The following TRIM10 variants were observed in gnomAD, a reference collection of about 807,000 sequenced individuals.
TRIM10 encodes tripartite motif-containing protein 10.
TRIM10 carries 42 observed loss-of-function variants against 40.0 expected under a neutral mutation model. The observed-to-expected ratio is 1.05, with a 90% CI of 0.82 to 1.36. The LOEUF (loss-of-function observed/expected upper bound fraction) is 1.36. Ranked by LOEUF, TRIM10 falls within the 40% of genes most tolerant of loss-of-function variation. The pLI, the probability that TRIM10 is intolerant of heterozygous loss-of-function variation, is 0.00. For missense variants in TRIM10, 601 were observed against 608.3 expected (o/e 0.99, Z 0.13); for synonymous variants, 260 against 239.5 (o/e 1.09, Z -0.79).
rs79088264 is a variant in TRIM10 at position 30,154,154 on chromosome 6, G to T, written c.1261C>A (p.Arg421=). Residue 421 remains arginine (R), a synonymous_variant, in exon 7 of 7, where the codon CGG becomes AGG. Transcript: ENST00000449742. ...FVSALGSFPT[R]LTLKEQPRQV... Reference sequence around the variant, plus strand: ...CGGGGCTGCTCCTTCAGGGTCAGCCGTGTGGGGAAGGAGCCCAGAGCCGAG... The same window carrying T: ...CGGGGCTGCTCCTTCAGGGTCAGCCTTGTGGGGAAGGAGCCCAGAGCCGAG... 5 of 1,612,522 alleles carry T rather than the reference G, an allele frequency of 3.1e-6. No individual in the cohort carries two copies. In the East Asian group the frequency reaches 8.9e-5, roughly 29 times the overall value.
Position 30,153,577 on chromosome 6 carries a change from T to C in TRIM10, c.*392A>G, listed in dbSNP as rs1772215104. The C allele has an allele frequency of 2.1e-6, 2 of 931,052 alleles. No homozygotes were observed. Among genetic ancestry groups the C allele is most frequent in the Non-Finnish European group, 3.3e-6 (2 of 597,388 alleles). 57.7% of individuals were successfully genotyped at this position (931,052 alleles called of 1,614,324 possible). A position where few individuals can be genotyped will look rare whatever the true frequency, so the allele number is the denominator to read the frequency against. ...TGTGATTACATGAACTCTAACATTA[T>C]TGGAAGAAAACAAGATGAAAAGAGG... On this transcript the variant is annotated 3_prime_UTR_variant, in exon 7 of 7. Coordinates refer to ENST00000449742, the MANE Select transcript of TRIM10 (RefSeq NM_006778.4).
intron 1 of TRIM10, 136 bp downstream of exon 1, chr6:30,160,294 T>A: frequency 1.1e-6 from 1 of 919,404 alleles, no homozygotes; most frequent in Non-Finnish European, 1.6e-6. Context: ...TTTCCATGCC[T>A]GGGTCTATTG....
intron 1 of TRIM10, 40 bp from the exon 2 acceptor site, chr6:30,159,285 A>G: frequency 6.9e-7 from 1 of 1,457,160 alleles, no homozygotes; most frequent in Non-Finnish European, 9.6e-7. Context: ...ATGGAAAATG[A>G]TTTGTTCAGG....
In TRIM10 at chr6:30,152,783, A is replaced by G. The variant is rs1208966574; in HGVS notation, c.*1186T>C. The G allele has an allele frequency of 1.3e-5, 2 of 152,148 alleles. No homozygotes were observed. Among genetic ancestry groups the G allele is most frequent in the African/African-American group, 4.8e-5 (2 of 41,424 alleles). 9.4% of individuals were successfully genotyped at this position (152,148 alleles called of 1,614,324 possible). On this transcript the variant is annotated 3_prime_UTR_variant, in exon 7 of 7. Coordinates refer to ENST00000449742, the MANE Select transcript of TRIM10 (RefSeq NM_006778.4). ...AAGAACAAGAAAATAAAACATGGTC[A>G]CTCTTCCATCCCATTTCTCAGATGT...
At position 30,154,225 on chromosome 6, in the gene TRIM10, C is replaced by G. The variant is rs368379352; in HGVS notation, c.1190G>C (p.Arg397Pro). 1 of 1,612,736 alleles carries G rather than the reference C, an allele frequency of 6.2e-7. No homozygotes were observed. Among genetic ancestry groups the G allele is most frequent in the African/African-American group, 1.3e-5 (1 of 74,906 alleles). ...CACAGCCCACACCCCCTCCTCTGGC[C>G]GCAGCCGAAGCTCCCCCTTCCGCTG... ...DVQRKGELRLRPEEGVWAVRL... is the reference protein window; with the variant it reads ...DVQRKGELRLPPEEGVWAVRL... The change falls in exon 7 of 7, where the codon CGG becomes CCG. Residue 397 changes from arginine (R) to proline (P), a missense_variant. Transcript: ENST00000449742.
intron 1 of TRIM10, 130 bp from the exon 2 acceptor site, chr6:30,159,375 C>T (rs568564651): frequency 1.7e-5 from 11 of 639,262 alleles, no homozygotes; most frequent in Admixed American, 2.6e-5. Context: ...TGACAATCCC[C>T]GAGCCTTCAC....
At chr6:30,159,277 G>T in intron 1 of TRIM10, 32 bp from the exon 2 acceptor site, 1 of 1,480,066 alleles carries the variant, frequency 6.8e-7, no homozygotes, top group Non-Finnish European at 9.4e-7. Context: ...TACTCAAGAT[G>T]GAAAATGATT....
Position 30,153,494 on chromosome 6 carries a change from C to T in TRIM10, c.*475G>A. 1 of 576,890 alleles carries T rather than the reference C, an allele frequency of 1.7e-6. No homozygotes were observed. The highest frequency in any genetic ancestry group is 3.1e-6 in the Non-Finnish European group (1 of 325,590). 35.7% of individuals were successfully genotyped at this position (576,890 alleles called of 1,614,324 possible). ...TTTTTTTCTCTATATTTTCAAGTCA[C>T]CAGTGGCCACCACACTGCTTGGTTC... is the stretch of plus-strand genomic sequence containing the variant. On this transcript the variant is annotated 3_prime_UTR_variant, in exon 7 of 7. Transcript: ENST00000449742.
rs142460927 is a variant in TRIM10, at chr6:30,160,326, G to C, written c.429+104C>G. ...ATTGCCTGGGTGATCATGTAAGTAA[G>C]GAGAAAGAATTTGGCCTCCGGGTGG... On this transcript the variant is annotated intron_variant, in intron 1 of 6. Transcript: ENST00000449742. The C allele has an allele frequency of 2.7e-3, 3,430 of 1,263,632 alleles. 1 individual carries two copies. Among genetic ancestry groups the C allele is most frequent in the Non-Finnish European group, 3.1e-3 (2,890 of 919,766 alleles). 78.3% of individuals were successfully genotyped at this position (1,263,632 alleles called of 1,614,324 possible). A position where few individuals can be genotyped will look rare whatever the true frequency, so the allele number is the denominator to read the frequency against.
In TRIM10 at chr6:30,154,449, C is replaced by A; in HGVS notation, c.966G>T (p.Lys322Asn). The A allele has an allele frequency of 6.2e-7, 1 of 1,612,658 alleles. No individual in the cohort carries two copies. The highest frequency in any genetic ancestry group is 8.5e-7 in the Non-Finnish European group (1 of 1,180,006). The change falls in exon 7 of 7, where the codon AAG (lysine) becomes AAT (asparagine). Residue 322 changes from lysine to asparagine, a missense_variant. Transcript: ENST00000449742. ...ISLDPQTSHP[K>N]LLLSEDHQRA... ...GCTGGTGGTCCTCGGACAAGAGGAG[C>A]TTGGGGTGGGAAGTCTGAGGGTCTA...
chr6:30,153,798 A>C lies in TRIM10; in HGVS notation c.*171T>G. The C allele has an allele frequency of 6.2e-7, 1 of 1,613,032 alleles. No homozygotes were observed. Among genetic ancestry groups the C allele is most frequent in the South Asian group, 1.1e-5 (1 of 91,084 alleles). ...TGGGCATTGGGGAAAGGACTTGATC[A>C]GTAGATTGAGAGTCCTCTCTTCTAT... On this transcript the variant is annotated 3_prime_UTR_variant, in exon 7 of 7. Transcript: ENST00000449742.
chr6:30,158,265 C>T lies in TRIM10; in HGVS notation c.756+134G>A, dbSNP rs558697000. 2.6e-5 allele frequency: 20 copies of T among 771,608 alleles called. 1 individual carries two copies. The highest frequency in any genetic ancestry group is 4.9e-5 in the East Asian group (2 of 40,582). The allele number at this position is 771,608 out of a possible 1,614,324, so 47.8% of individuals were successfully genotyped here. A position where few individuals can be genotyped will look rare whatever the true frequency, so the allele number is the denominator to read the frequency against. On this transcript the variant is annotated intron_variant, in intron 3 of 6. Transcript: ENST00000449742. Reference sequence around the variant, plus strand: ...GGAAAAGCATGAACTAGAATTGAGACTTTCTGGTCCTCTGACCCACCTCCC... The same window carrying T: ...GGAAAAGCATGAACTAGAATTGAGATTTTCTGGTCCTCTGACCCACCTCCC...
Position 30,160,675 on chromosome 6 carries a change from C to A in TRIM10, c.184G>T (p.Glu62Ter). The change falls in exon 1 of 7, where the codon GAA (glutamate) becomes TAA (stop). Residue 62 changes from glutamate to a stop codon, truncating the protein, a stop_gained. Transcript: ENST00000449742. LOFTEE classifies it high-confidence loss of function. ...EESPTCPLCK[E>*]PFRPGSFRPN... ...CGGAAGCTCCCAGGACGGAAGGGTT[C>A]TTTGCAGAGTGGGCAAGTAGGGGAC... 6.2e-7 allele frequency: 1 copy of A among 1,614,228 alleles called. No individual in the cohort carries two copies. The highest frequency in any genetic ancestry group is 1.6e-4 in the Middle Eastern group (1 of 6,062).
Position 30,157,008 on chromosome 6 carries a change from G to C in TRIM10, c.826C>G (p.Leu276Val). 6.2e-7 allele frequency: 1 copy of C among 1,613,078 alleles called. No homozygotes were observed. Among genetic ancestry groups the C allele is most frequent in the Non-Finnish European group, 8.5e-7 (1 of 1,180,026 alleles). Reference sequence around the variant, plus strand: ...GGAAAGTCCCGAATCCTCTGGCCCAGCTCTGGCGACACAGCCACCGGTTTC... The same window carrying C: ...GGAAAGTCCCGAATCCTCTGGCCCACCTCTGGCGACACAGCCACCGGTTTC... Reference protein sequence around the residue: ...CRKPVAVSPELGQRIRDFPQQ... With the variant: ...CRKPVAVSPEVGQRIRDFPQQ... The change falls in exon 5 of 7, where the codon CTG becomes GTG. Residue 276 changes from leucine to valine, a missense_variant. Physicochemically the swap from Leu to Val is conservative, Grantham distance 32. Coordinates refer to ENST00000449742, the MANE Select transcript of TRIM10 (RefSeq NM_006778.4).
intron 1 of TRIM10, 78 bp downstream of exon 1, chr6:30,160,352 C>T (rs1772955087): frequency 2.7e-6 from 4 of 1,504,026 alleles, no homozygotes; most frequent in East Asian, 4.6e-5. Context: ...CTCCGGGTGG[C>T]CTAAATAATC....
chr6:30,160,462 G>C lies in TRIM10; in HGVS notation c.397C>G (p.Arg133Gly). Residue 133 changes from arginine (R) to glycine (G), a missense_variant, in exon 1 of 7, where the codon CGC (arginine) becomes GGC (glycine). Transcript: ENST00000449742. The part of the protein sequence containing the change: ...EAGEHATHTM[R>G]FLEDAAAPYR... ...GGAGCCGCTGCATCCTCCAGGAAGC[G>C]CATGGTGTGGGTAGCGTGCTCCCCA... 6.2e-7 allele frequency: 1 copy of C among 1,614,036 alleles called. No homozygotes were observed. Among genetic ancestry groups the C allele is most frequent in the Non-Finnish European group, 8.5e-7 (1 of 1,179,994 alleles).
chr6:30,157,264 A>T, intron 4 of TRIM10, 105 bp downstream of exon 4: 2 of 1,249,198 alleles, frequency 1.6e-6, no homozygotes, highest in Non-Finnish European at 2.3e-6. Flanking sequence ...GTAAATTTGT[A>T]TCCTTAAGTG....
At position 30,160,582 on chromosome 6, in the gene TRIM10, A is replaced by T; in HGVS notation, c.277T>A (p.Leu93Met). 6.2e-7 allele frequency: 1 copy of T among 1,614,134 alleles called. No homozygotes were observed. Among genetic ancestry groups the T allele is most frequent in the South Asian group, 1.1e-5 (1 of 91,086 alleles). Residue 93 changes from leucine to methionine, a missense_variant, in exon 1 of 7, where the codon TTG becomes ATG. Leu to Met is a conservative substitution (Grantham distance 15, BLOSUM62 2). Coordinates refer to ENST00000449742, the MANE Select transcript of TRIM10 (RefSeq NM_006778.4). ...TCTTGGCAGACATCCTCCTCTCCCA[A>T]ACCCAGTGTGGACACCAGCTGGAGG... ...ERLQLVSTLG[L>M]GEEDVCQEHG...
rs1772330635 is a variant in TRIM10, at chr6:30,154,426, T to C, written c.989A>G (p.Gln330Arg). ...HPKLLLSEDH[Q>R]RAQFSYKWQN... The stretch of plus-strand genomic sequence containing the variant: ...CCATTTGTAGGAGAACTGAGCTCGC[T>C]GGTGGTCCTCGGACAAGAGGAGCTT... Residue 330 changes from glutamine (Q) to arginine (R), a missense_variant, in exon 7 of 7, where the codon CAG (glutamine) becomes CGG (arginine). Physicochemically the swap from Gln to Arg is conservative, Grantham distance 43. Transcript: ENST00000449742. 6.2e-7 allele frequency: 1 copy of C among 1,612,838 alleles called. No homozygotes were observed. The highest frequency in any genetic ancestry group is 1.7e-5 in the Admixed American group (1 of 59,992).
Sources: gnomAD v4.1 joint callset for allele counts on GRCh38, gnomAD v4.1.1 for gene constraint, MANE v1.5 for transcripts, NCBI Gene and HGNC (gene_info 2026-07-23, HGNC 2026-07-21) for gene names.